The following RNF144A variants were observed in gnomAD, a reference collection of about 807,000 sequenced individuals.
The protein encoded by RNF144A is E3 ubiquitin-protein ligase RNF144A.
Under a neutral mutation model 38.7 loss-of-function variants are expected in RNF144A, and 11 were observed. The ratio of observed to expected loss-of-function variants is 0.28; its 90% CI spans 0.18 to 0.47. The LOEUF (loss-of-function observed/expected upper bound fraction) is 0.47. RNF144A is among the 20% of genes least tolerant of loss of function. The pLI is 0.99. For missense variants in RNF144A, 316 were observed against 377.2 expected, an observed-to-expected ratio of 0.84 and a Z score of 1.34; for synonymous variants, 149 against 143.9, an observed-to-expected ratio of 1.04 and a Z score of -0.25.
intron 2 of RNF144A, among the ~76,000 whole-genome samples, chr2:6,986,143 C>G (rs1668948720): frequency 6.6e-6 from 1 of 152,130 alleles, no homozygotes; most frequent in Non-Finnish European, 1.5e-5. Context: ...GCCAGCTGTC[C>G]CAGCCAGCAT....
intron 6 of RNF144A, among the ~76,000 whole-genome samples, chr2:7,023,637 T>A (rs1462700858): frequency 1.3e-5 from 2 of 152,356 alleles, no homozygotes; most frequent in Middle Eastern, 3.4e-3. Flanking sequence ...ATGTCTGTGT[T>A]ATCTTTCTTT....
At chr2:6,931,207 A>T (rs1665192521) in intron 1 of RNF144A, among the ~76,000 whole-genome samples, 1 of 152,228 alleles carries the variant, frequency 6.6e-6, no homozygotes, top group South Asian at 2.1e-4. Flanking sequence ...CAGAGACAGG[A>T]TCCTGCTCAA....
downstream of RNF144A, among the ~76,000 whole-genome samples, chr2:7,047,973 C>T (rs16865879): frequency 0.12 from 18,547 of 152,168 alleles, 1,163 homozygotes; most frequent in African/African-American, 0.15. Context: ...TTCCCTGGGC[C>T]TCTTCCTGAT....
At position 7,043,233 on chromosome 2, in the gene RNF144A, A is replaced by AG. The variant is rs1402751415; in HGVS notation, c.*3475dup. Reference sequence around the variant, plus strand: ...ATTCCATAAAACCAGTTTAGGGCACAGGCCAGTTCCTGATTAGAACACAGG... The same window carrying AG: ...ATTCCATAAAACCAGTTTAGGGCACAGGGCCAGTTCCTGATTAGAACACAGG... On this transcript the variant is annotated 3_prime_UTR_variant, in exon 9 of 9. Transcript: ENST00000320892. The AG allele has an allele frequency of 1.0e-6, 1 of 985,250 alleles. No individual in the cohort carries two copies. Among genetic ancestry groups the AG allele is most frequent in the African/African-American group, 1.7e-5 (1 of 57,250 alleles). The allele number at this position is 985,250 out of a possible 1,614,324, so 61.0% of individuals were successfully genotyped here.
chr2:7,006,629 C>T (rs1670459413), intron 3 of RNF144A, among the ~76,000 whole-genome samples: 1 of 152,190 alleles, frequency 6.6e-6, no homozygotes. Flanking sequence ...CACTGCCTCC[C>T]TCCCTCACTG....
At chr2:7,047,572 G>A (rs1227733992), downstream of RNF144A, among the ~76,000 whole-genome samples, 1 of 152,124 alleles carries the variant, frequency 6.6e-6, no homozygotes, top group Non-Finnish European at 1.5e-5. Flanking sequence ...TACCTTCCTC[G>A]GGGTCCCTCT....
chr2:7,037,494 C>T (rs886738935), intron 8 of RNF144A, among the ~76,000 whole-genome samples: 14 of 152,234 alleles, frequency 9.2e-5, no homozygotes, highest in African/African-American at 2.2e-4. Flanking sequence ...TCAGCGTGCA[C>T]GTGATTTCAG....
At chr2:7,059,116 G>A (rs1447300572) in intron 6 of RNF144A, among the ~76,000 whole-genome samples, 1 of 152,148 alleles carries the variant, frequency 6.6e-6, no homozygotes, top group Non-Finnish European at 1.5e-5. Context: ...GGGAGGCTGA[G>A]GCGGGCAGAT....
chr2:6,938,308 C>T (rs1455142462), intron 1 of RNF144A, among the ~76,000 whole-genome samples: 5 of 139,326 alleles, frequency 3.6e-5, no homozygotes, highest in African/African-American at 1.1e-4. Flanking sequence ...AGTGCAACAG[C>T]GTGATCTTGG....
chr2:6,922,626 CTT>C (rs1209204554), intron 1 of RNF144A, among the ~76,000 whole-genome samples: 24 of 136,860 alleles, frequency 1.8e-4, no homozygotes, highest in Non-Finnish European at 2.1e-4. Context: ...TCTTGTTTTT[CTT>C]TTTTTTTTTT....
chr2:7,026,500 G>GT (rs5829094), intron 7 of RNF144A, among the ~76,000 whole-genome samples: 42,088 of 142,340 alleles, frequency 0.3, 6,846 homozygotes, highest in Middle Eastern at 0.38. Flanking sequence ...CTGTATTCCA[G>GT]TTTTTTTTTT....
chr2:6,934,827 A>G (rs934176453), intron 1 of RNF144A, among the ~76,000 whole-genome samples: 1 of 152,216 alleles, frequency 6.6e-6, no homozygotes, highest in Non-Finnish European at 1.5e-5. Context: ...CTGACCAGCT[A>G]TCTGACCTGG....
intron 8 of RNF144A, 105 bp from the exon 9 acceptor site, chr2:7,039,524 A>G (rs530451897): frequency 4.0e-5 from 58 of 1,436,568 alleles, no homozygotes; most frequent in Non-Finnish European, 5.3e-5. Context: ...GGTTGGGTGG[A>G]TGGATGGATG....
intron 6 of RNF144A, among the ~76,000 whole-genome samples, chr2:7,065,466 G>C (rs952895225): frequency 1.3e-5 from 2 of 152,218 alleles, no homozygotes; most frequent in African/African-American, 4.8e-5. Context: ...TGTGGAAAAA[G>C]GATGCTGGAA....
chr2:6,946,535 A>G (rs61151075), intron 2 of RNF144A, among the ~76,000 whole-genome samples: 9,194 of 152,090 alleles, frequency 0.06, 554 homozygotes, highest in East Asian at 0.29. Flanking sequence ...AATTGTATGT[A>G]CATAAATATA....
chr2:7,061,743 T>C (rs1234660220), intron 6 of RNF144A, among the ~76,000 whole-genome samples: 1 of 152,196 alleles, frequency 6.6e-6, no homozygotes, highest in African/African-American at 2.4e-5. Flanking sequence ...TTTAAATTAC[T>C]CAACACAAGA....
chr2:7,002,737 A>G (rs909856187), intron 3 of RNF144A, among the ~76,000 whole-genome samples: 1 of 152,162 alleles, frequency 6.6e-6, no homozygotes, highest in Non-Finnish European at 1.5e-5. Flanking sequence ...GTACTTTTTT[A>G]TCGTTATTTT....
At chr2:6,933,993 A>G (rs1665383020) in intron 1 of RNF144A, among the ~76,000 whole-genome samples, 1 of 152,010 alleles carries the variant, frequency 6.6e-6, no homozygotes, top group African/African-American at 2.4e-5. Context: ...ATACGCATGA[A>G]ATTTTTTTTC....
downstream of RNF144A, among the ~76,000 whole-genome samples, chr2:7,072,964 A>G (rs1674533399): frequency 6.6e-6 from 1 of 152,120 alleles, no homozygotes; most frequent in African/African-American, 2.4e-5. Context: ...TACACTCCTC[A>G]TGGCTTCCTG....
Sources: gnomAD v4.1 joint callset for allele counts (sites outside exome capture counted in the v4.1 genomes callset) on GRCh38, gnomAD v4.1.1 for gene constraint, MANE v1.5 for transcripts, NCBI Gene and HGNC (gene_info 2026-07-23, HGNC 2026-07-21) for gene names.